Variants in TTC3 observed in about 807,000 individuals in gnomAD.
The protein encoded by TTC3 is E3 ubiquitin-protein ligase TTC3.
Under a neutral mutation model 249.6 loss-of-function variants are expected in TTC3, and 180 were observed. The observed-to-expected ratio is 0.72, with a 90% confidence interval of 0.64 to 0.82. The LOEUF (loss-of-function observed/expected upper bound fraction) is 0.82. Among genes scored for constraint, TTC3 ranks in the 40% least tolerant of loss-of-function variants. The pLI is 0.00. For missense variants in TTC3, 2,061 were observed against 2,398.4 expected (o/e 0.86, Z 2.94); for synonymous variants, 717 against 805.0 (o/e 0.89, Z 1.85).
chr21:37,096,641 T>A, exon 10 of TTC3: 1 of 1,608,978 alleles, frequency 6.2e-7, no homozygotes. Context: ...CTGGACAGTT[T>A]AGGTAAGTTG....
chr21:37,085,692 T>C (rs2013156239), intron 1 of TTC3: 1 of 152,252 alleles, frequency 6.6e-6, no homozygotes, highest in Non-Finnish European at 1.5e-5. Flanking sequence ...AAGATCATGT[T>C]AGTTGAGGAG....
intron 35 of TTC3, among the ~76,000 whole-genome samples, chr21:37,180,540 C>T (rs554108851): frequency 7.3e-6 from 1 of 136,254 alleles, no homozygotes; most frequent in African/African-American, 2.8e-5. Flanking sequence ...TATTCTCACT[C>T]ATAGGTGGGA....
chr21:37,095,126 T>A (rs1321115036), intron 8 of TTC3, among the ~76,000 whole-genome samples: 2 of 147,702 alleles, frequency 1.4e-5, no homozygotes, highest in Non-Finnish European at 3.0e-5. Context: ...ACAGACCCTG[T>A]CTCTAAAAAT....
chr21:37,133,630 A>C (rs1159659155), intron 17 of TTC3, among the ~76,000 whole-genome samples: 1 of 152,110 alleles, frequency 6.6e-6, no homozygotes, highest in Non-Finnish European at 1.5e-5. Context: ...AGTGAGAGAG[A>C]TTGGGTGCAC....
intron 19 of TTC3, among the ~76,000 whole-genome samples, chr21:37,139,793 T>C (rs2078266924): frequency 1.4e-5 from 2 of 145,098 alleles, no homozygotes; most frequent in South Asian, 4.9e-4. Flanking sequence ...TAATGTAAAA[T>C]AGCGAGACTG....
intron 41 of TTC3, among the ~76,000 whole-genome samples, chr21:37,192,553 T>C (rs1290390297): frequency 6.7e-6 from 1 of 149,150 alleles, no homozygotes; most frequent in Admixed American, 6.7e-5. Flanking sequence ...TTTGAACAAA[T>C]AATCCAGGAG....
exon 46 of TTC3, chr21:37,202,150 C>T (rs1406913862): frequency 6.6e-6 from 1 of 152,134 alleles, no homozygotes; most frequent in African/African-American, 2.4e-5. Flanking sequence ...ATTCAAATCT[C>T]CTCTTTGTGA....
intron 8 of TTC3, 23 bp downstream of exon 8, chr21:37,094,113 T>C (rs1483974361): frequency 1.4e-6 from 2 of 1,438,678 alleles, no homozygotes; most frequent in Non-Finnish European, 1.9e-6. Flanking sequence ...ATTATAAATA[T>C]ATTTTAAGAT....
exon 33 of TTC3, chr21:37,166,609 C>G: frequency 6.2e-7 from 1 of 1,609,192 alleles, no homozygotes; most frequent in Non-Finnish European, 8.5e-7. Flanking sequence ...AGATGGTTGC[C>G]ATACAGGTAA....
At chr21:37,171,641 G>T (rs187053631) in intron 34 of TTC3, among the ~76,000 whole-genome samples, 42 of 152,262 alleles carry the variant, frequency 2.8e-4, no homozygotes, top group African/African-American at 8.4e-4. Flanking sequence ...TTTGCTCCTG[G>T]TTGATAGTAA....
intron 35 of TTC3, among the ~76,000 whole-genome samples, chr21:37,179,548 C>T (rs2082566204): frequency 1.3e-5 from 2 of 152,154 alleles, no homozygotes; most frequent in African/African-American, 4.8e-5. Context: ...ACTTCAAGCG[C>T]ACTGCTTACC....
At chr21:37,128,195 T>C (rs1238843201) in intron 15 of TTC3, among the ~76,000 whole-genome samples, 1 of 152,228 alleles carries the variant, frequency 6.6e-6, no homozygotes, top group African/African-American at 2.4e-5. Flanking sequence ...CTCTGACTTG[T>C]GTCTGTGCCC....
intron 35 of TTC3, among the ~76,000 whole-genome samples, chr21:37,181,723 A>G (rs762119381): frequency 2.0e-5 from 3 of 152,170 alleles, no homozygotes; most frequent in Non-Finnish European, 4.4e-5. Context: ...AAAAACATGA[A>G]AACCTTGGTG....
At chr21:37,187,196 T>C in intron 38 of TTC3, 51 bp downstream of exon 38, 1 of 1,388,786 alleles carries the variant, frequency 7.2e-7, no homozygotes, top group African/African-American at 1.5e-5. Context: ...TTTGTTTTTG[T>C]GTTTCTTTAA....
chr21:37,172,701 G>C, exon 35 of TTC3: 4 of 1,614,050 alleles, frequency 2.5e-6, no homozygotes, highest in Non-Finnish European at 3.4e-6. Flanking sequence ...GAAGAGACCA[G>C]GGACCTGGAA....
intron 35 of TTC3, among the ~76,000 whole-genome samples, chr21:37,178,544 G>A (rs2082465015): frequency 6.6e-6 from 1 of 152,078 alleles, no homozygotes. Context: ...TTCCCTAAAG[G>A]CTAATGATGT....
At chr21:37,095,486 C>T in intron 9 of TTC3, 42 bp downstream of exon 9, 1 of 1,301,626 alleles carries the variant, frequency 7.7e-7, no homozygotes, top group African/African-American at 1.5e-5. Flanking sequence ...TTCTATGGCA[C>T]ATCAAGTTAG....
At chr21:37,192,488 T>TC (rs2084274339) in intron 41 of TTC3, among the ~76,000 whole-genome samples, 2 of 141,412 alleles carry the variant, frequency 1.4e-5, no homozygotes, top group Non-Finnish European at 3.1e-5. Flanking sequence ...CTGTCTTCTA[T>TC]CTTTGTGTGT....
intron 35 of TTC3, among the ~76,000 whole-genome samples, chr21:37,176,880 C>T (rs945543106): frequency 6.6e-6 from 1 of 152,166 alleles, no homozygotes; most frequent in Non-Finnish European, 1.5e-5. Context: ...AGCTCCACGG[C>T]CTAGTTCAAC....
Sources: gnomAD v4.1 joint callset for allele counts (sites outside exome capture counted in the v4.1 genomes callset) on GRCh38, gnomAD v4.1.1 for gene constraint, MANE v1.5 for transcripts, NCBI Gene and HGNC (gene_info 2026-07-23, HGNC 2026-07-21) for gene names.